Variants in PCDHGA2 observed in about 807,000 individuals in gnomAD.
The protein encoded by PCDHGA2 is protocadherin gamma subfamily A, 2, also known as protocadherin gamma-A2.
Under a neutral mutation model 59.2 loss-of-function variants are expected in PCDHGA2, and 40 were observed. The ratio of observed to expected loss-of-function variants is 0.68; its 90% CI spans 0.52 to 0.88. PCDHGA2 has a LOEUF of 0.88. Among genes scored for constraint, PCDHGA2 ranks in the 40% least tolerant of loss-of-function variants. The probability of loss-of-function intolerance (pLI) is 0.00; values close to 1 mark genes in which losing one functional copy is unlikely to be tolerated. For synonymous variants in PCDHGA2, 560 were observed against 526.0 expected (o/e 1.06, Z -0.89); for missense variants, 1,226 against 1,204.0 (o/e 1.02, Z -0.27).
At chr5:141,399,311 A>C in intron 1 of PCDHGA2, 1 of 1,613,970 alleles carries the variant, frequency 6.2e-7, no homozygotes, top group Non-Finnish European at 8.5e-7. Context: ...TCTTCATCCA[A>C]AAATTCGTAT....
intron 1 of PCDHGA2, chr5:141,404,380 C>T (rs777340976): frequency 1.9e-6 from 3 of 1,613,916 alleles, no homozygotes; most frequent in Non-Finnish European, 2.5e-6. Context: ...CCGTGATTGC[C>T]TATGACCCTG....
intron 1 of PCDHGA2, chr5:141,428,279 C>A: frequency 2.7e-6 from 2 of 753,232 alleles, no homozygotes; most frequent in South Asian, 3.0e-5. Context: ...CCCTCTGATT[C>A]CCAAGCAAAG....
At chr5:141,364,412 T>C (rs1423662682) in intron 1 of PCDHGA2, 2 of 1,612,244 alleles carry the variant, frequency 1.2e-6, no homozygotes, top group East Asian at 2.2e-5. Context: ...CGAGCCAGGA[T>C]CCGGGCAGAT....
intron 1 of PCDHGA2, chr5:141,409,193 T>C (rs1268258873): frequency 2.5e-6 from 4 of 1,613,870 alleles, no homozygotes; most frequent in Admixed American, 1.7e-5. Flanking sequence ...CTCTACCCAG[T>C]GTAAAGTAAT....
At position 141,341,088 on chromosome 5, in the gene PCDHGA2, C is replaced by T; in HGVS notation, c.2117C>T (p.Ala706Val). The change falls in exon 1 of 4, where the codon GCC becomes GTC. Residue 706 changes from alanine (A) to valine (V), a missense_variant. Ala to Val is a moderately conservative substitution (Grantham distance 64, BLOSUM62 0). Transcript: ENST00000394576. ...AVAAVSCVFL[A>V]FVIVLLAHRL... ...GCCGCGGTCTCCTGCGTCTTCCTGGCCTTCGTCATCGTGTTGCTGGCGCAC... is the reference window on the plus strand; with the variant it reads ...GCCGCGGTCTCCTGCGTCTTCCTGGTCTTCGTCATCGTGTTGCTGGCGCAC... 2 of 1,614,222 alleles carry T rather than the reference C, an allele frequency of 1.2e-6. No individual in the cohort carries two copies. The highest frequency in any genetic ancestry group is 1.7e-6 in the Non-Finnish European group (2 of 1,180,052).
At chr5:141,438,053 C>T (rs1023159995) in intron 1 of PCDHGA2, among the ~76,000 whole-genome samples, 2 of 152,112 alleles carry the variant, frequency 1.3e-5, no homozygotes, top group African/African-American at 4.8e-5. Context: ...TTTGAGTTCA[C>T]TTTTAAGAAA....
chr5:141,408,153 C>T, intron 1 of PCDHGA2: 4 of 1,509,360 alleles, frequency 2.7e-6, no homozygotes, highest in Non-Finnish European at 3.6e-6. Context: ...CGGTAGAGTG[C>T]ACTTTCTCCA....
rs962326553 is a variant in PCDHGA2 at position 141,387,971 on chromosome 5, C to T, written c.2424+46576C>T. 1.0e-5 allele frequency: 15 copies of T among 1,489,894 alleles called. 1 individual carries two copies. Among genetic ancestry groups the T allele is most frequent in the Non-Finnish European group, 1.3e-5 (14 of 1,108,812 alleles). The allele number at this position is 1,489,894 out of a possible 1,614,324, so 92.3% of individuals were successfully genotyped here. ...TGCTGTCTTTGTTCTGCCCGGCGCT[C>T]TGTGAGCAGATCCGCTACAGGATTC... On this transcript the variant is annotated intron_variant, in intron 1 of 3. Transcript: ENST00000394576.
At chr5:141,351,618 A>G in intron 1 of PCDHGA2, 2 of 1,613,976 alleles carry the variant, frequency 1.2e-6, no homozygotes, top group Middle Eastern at 1.6e-4. Context: ...CAGGCCTCCT[A>G]TGTGGTCCAC....
intron 1 of PCDHGA2, chr5:141,426,860 A>T (rs771106873): frequency 2.6e-5 from 12 of 456,702 alleles, no homozygotes; most frequent in Admixed American, 2.3e-4. Flanking sequence ...CTCCAGAATT[A>T]GTGCTGGAGA....
At chr5:141,351,834 A>G (rs1351057422) in intron 1 of PCDHGA2, 2 of 1,613,230 alleles carry the variant, frequency 1.2e-6, no homozygotes, top group Non-Finnish European at 1.7e-6. Context: ...CGCGCCTTCG[A>G]GCTCACACTG....
intron 1 of PCDHGA2, chr5:141,408,742 A>G: frequency 6.2e-7 from 1 of 1,610,074 alleles, no homozygotes; most frequent in Non-Finnish European, 8.5e-7. Flanking sequence ...ATTTTTCATT[A>G]ATGGTTAGAG....
Position 141,432,236 on chromosome 5 carries a change from G to A in PCDHGA2, c.2425-62571G>A, listed in dbSNP as rs752735346. On this transcript the variant is annotated intron_variant, in intron 1 of 3. Coordinates refer to ENST00000394576, the MANE Select transcript of PCDHGA2 (RefSeq NM_018915.4). This position sits in a 1 kb window ranked among gnomAD's most constrained non-coding sequence, Gnocchi z 6.0. ...CGCCCAGATCACTTATTCCCTGGCT[G>A]AGAACACCATCCAAGGGGCAAGCCT... is the stretch of plus-strand genomic sequence containing the variant. The A allele has an allele frequency of 8.7e-6, 14 of 1,614,130 alleles. No individual in the cohort carries two copies. The African/African-American group carries it at 9.3e-5, about 11-fold the overall frequency.
rs763072566 is a variant in PCDHGA2 at position 141,419,417 on chromosome 5, T to G, written c.2425-75390T>G. The stretch of plus-strand genomic sequence containing the variant: ...CGGGGTGGTGTTCGCGCAGCGCGCC[T>G]TCGACCACGAGCAGCTGCGCACCTT... On this transcript the variant is annotated intron_variant, in intron 1 of 3. Transcript: ENST00000394576. 3.0e-5 allele frequency: 48 copies of G among 1,613,288 alleles called. No homozygotes were observed. Among genetic ancestry groups the G allele is most frequent in the Non-Finnish European group, 3.8e-5 (45 of 1,179,884 alleles).
intron 1 of PCDHGA2, chr5:141,346,470 A>G (rs374721996): frequency 6.2e-7 from 1 of 1,613,754 alleles, no homozygotes; most frequent in South Asian, 1.1e-5. Context: ...GAGTTTATTT[A>G]TTTCTTTGAT....
At chr5:141,449,737 A>T (rs1174103155) in intron 1 of PCDHGA2, among the ~76,000 whole-genome samples, 3 of 151,666 alleles carry the variant, frequency 2.0e-5, no homozygotes, top group Non-Finnish European at 4.4e-5. Flanking sequence ...TTTTTATGAC[A>T]TGATTATTTT....
intron 1 of PCDHGA2, chr5:141,346,239 C>T (rs373249653): frequency 6.2e-7 from 1 of 1,614,080 alleles, no homozygotes. Context: ...GGCGAGTACG[C>T]CCGGCTCGCA....
At chr5:141,384,745 C>G (rs1304134885) in intron 1 of PCDHGA2, 1 of 1,613,956 alleles carries the variant, frequency 6.2e-7, no homozygotes, top group African/African-American at 1.3e-5. Context: ...CGAGCCAGGA[C>G]TCTTTGCGGT....
Position 141,487,501 on chromosome 5 carries a change from T to A in PCDHGA2, c.2425-7306T>A. 1 of 1,614,232 alleles carries A rather than the reference T, an allele frequency of 6.2e-7. No individual in the cohort carries two copies. Among genetic ancestry groups the A allele is most frequent in the Non-Finnish European group, 8.5e-7 (1 of 1,180,036 alleles). On this transcript the variant is annotated intron_variant, in intron 1 of 3. Transcript: ENST00000394576. This position sits in a 1 kb window ranked among gnomAD's most constrained non-coding sequence, Gnocchi z 5.0. ...ACTCTCATGGCTGTACACCCTTGGC[T>A]TCTGCACCCACTCGGAGTGATAGCT...
Sources: gnomAD v4.1 joint callset for allele counts (sites outside exome capture counted in the v4.1 genomes callset) on GRCh38, gnomAD v4.1.1 for gene constraint, Gnocchi (gnomAD v3.1) non-coding constraint, MANE v1.5 for transcripts, NCBI Gene and HGNC (gene_info 2026-07-23, HGNC 2026-07-21) for gene names.